DOCK1: variants seen among roughly 807,000 people sequenced by gnomAD.
DOCK1 encodes the protein dedicator of cytokinesis protein 1.
In DOCK1, 138 loss-of-function variants were observed where a neutral mutation model predicts 262.7. The ratio of observed to expected loss-of-function variants is 0.53; its 90% confidence interval spans 0.46 to 0.61. The LOEUF is 0.61. Ranked by LOEUF, DOCK1 falls within the 20% of genes least tolerant of loss-of-function variation. The pLI is 0.00. For missense variants in DOCK1, 1,908 were observed against 2,370.7 expected (o/e 0.80, Z 4.05); for synonymous variants, 866 against 867.4 (o/e 1.00, Z 0.03).
chr10:127,071,897 T>A (rs1228434395), intron 23 of DOCK1, among the ~76,000 whole-genome samples: 2 of 152,234 alleles, frequency 1.3e-5, no homozygotes, highest in African/African-American at 2.4e-5. Flanking sequence ...AATTTGAGAT[T>A]GCAGAATTCT....
At chr10:126,959,480 A>G (rs1454810476) in intron 1 of DOCK1, among the ~76,000 whole-genome samples, 5 of 152,184 alleles carry the variant, frequency 3.3e-5, no homozygotes, top group Admixed American at 1.3e-4. Context: ...TTTGTGGGGC[A>G]TGACTTCCCA....
At chr10:127,056,206 G>T (rs1484016609) in intron 22 of DOCK1, among the ~76,000 whole-genome samples, 3 of 152,114 alleles carry the variant, frequency 2.0e-5, no homozygotes, top group Non-Finnish European at 2.9e-5. Context: ...TGATCATGAT[G>T]ATGATGATGA....
At chr10:127,258,983 G>C (rs536752789) in intron 29 of DOCK1, among the ~76,000 whole-genome samples, 1 of 152,316 alleles carries the variant, frequency 6.6e-6, no homozygotes, top group African/African-American at 2.4e-5. Context: ...AGCAGAGACA[G>C]ATTGGCCTTG....
chr10:127,122,380 C>T (rs531692231), intron 25 of DOCK1, among the ~76,000 whole-genome samples: 2 of 152,278 alleles, frequency 1.3e-5, no homozygotes, highest in African/African-American at 4.8e-5. Context: ...CCTGGTCCTC[C>T]TCAGTGACCT....
intron 23 of DOCK1, among the ~76,000 whole-genome samples, chr10:127,094,325 T>G (rs2047768852): frequency 6.6e-6 from 1 of 152,214 alleles, no homozygotes; most frequent in African/African-American, 2.4e-5. Context: ...TCTTGAAATT[T>G]TTTTGGCAGG....
intron 22 of DOCK1, among the ~76,000 whole-genome samples, chr10:127,055,432 G>C (rs114211552): frequency 4.1e-3 from 631 of 152,334 alleles, no homozygotes; most frequent in African/African-American, 0.015. Flanking sequence ...TCCCTAGAAA[G>C]TGTCATGTGC....
intron 29 of DOCK1, chr10:127,272,006 T>G (rs925207679): frequency 6.6e-6 from 1 of 152,222 alleles, no homozygotes; most frequent in African/African-American, 2.4e-5. Flanking sequence ...GTTTGTACGT[T>G]TCAGCCAACT....
At chr10:126,968,489 T>G (rs1196180940) in intron 1 of DOCK1, among the ~76,000 whole-genome samples, 2 of 152,200 alleles carry the variant, frequency 1.3e-5, no homozygotes, top group Non-Finnish European at 2.9e-5. Flanking sequence ...TGTATGAGAT[T>G]TCAATCACTG....
chr10:127,230,709 A>G (rs147540744), intron 27 of DOCK1, among the ~76,000 whole-genome samples: 3 of 151,838 alleles, frequency 2.0e-5, no homozygotes, highest in African/African-American at 7.2e-5. Context: ...TGATGCCTCC[A>G]TCTTTGTTAT....
intron 27 of DOCK1, among the ~76,000 whole-genome samples, chr10:127,240,860 A>T (rs2059240311): frequency 6.6e-6 from 1 of 152,228 alleles, no homozygotes; most frequent in Non-Finnish European, 1.5e-5. Flanking sequence ...TACAAGGATT[A>T]TAGAATTTTG....
intron 38 of DOCK1, among the ~76,000 whole-genome samples, chr10:127,401,249 C>G (rs780628086): frequency 2.6e-5 from 4 of 152,272 alleles, no homozygotes; most frequent in African/African-American, 4.8e-5. Context: ...GACACCGTCT[C>G]CCACGTGGCG....
At chr10:127,382,755 C>G (rs756292477) in intron 37 of DOCK1, among the ~76,000 whole-genome samples, 11 of 152,196 alleles carry the variant, frequency 7.2e-5, no homozygotes, top group African/African-American at 2.7e-4. Context: ...ACCCTTACTC[C>G]GTCCCTCATA....
chr10:126,977,015 G>C (rs142309297), intron 2 of DOCK1, among the ~76,000 whole-genome samples: 2 of 152,216 alleles, frequency 1.3e-5, no homozygotes, highest in Non-Finnish European at 2.9e-5. Context: ...GATTATAGGC[G>C]TGAGCCACTG....
chr10:127,197,998 A>T (rs563274995), intron 27 of DOCK1, among the ~76,000 whole-genome samples: 2 of 152,092 alleles, frequency 1.3e-5, no homozygotes, highest in Non-Finnish European at 2.9e-5. Context: ...CCAGGACGGG[A>T]GTCCTGAGCC....
At chr10:127,380,635 G>C (rs2065775240) in intron 36 of DOCK1, among the ~76,000 whole-genome samples, 1 of 152,104 alleles carries the variant, frequency 6.6e-6, no homozygotes, top group Non-Finnish European at 1.5e-5. Flanking sequence ...TTGCTCCCTG[G>C]AGTGAGGGAC....
At chr10:127,264,883 G>A (rs1427553125) in intron 29 of DOCK1, among the ~76,000 whole-genome samples, 1 of 152,110 alleles carries the variant, frequency 6.6e-6, no homozygotes, top group African/African-American at 2.4e-5. Context: ...GGCGCAGGCT[G>A]GTCTCGAACT....
intron 44 of DOCK1, among the ~76,000 whole-genome samples, chr10:127,415,840 G>A (rs2068118235): frequency 6.6e-6 from 1 of 152,194 alleles, no homozygotes; most frequent in African/African-American, 2.4e-5. Context: ...ACCAGAGTTG[G>A]GCTGCAGATT....
At chr10:126,910,738 C>A (rs928982693) in intron 1 of DOCK1, among the ~76,000 whole-genome samples, 1 of 152,148 alleles carries the variant, frequency 6.6e-6, no homozygotes, top group African/African-American at 2.4e-5. Flanking sequence ...TCCCTCCACG[C>A]CTTTCTCCCC....
intron 1 of DOCK1, among the ~76,000 whole-genome samples, chr10:126,943,627 A>G (rs1322174634): frequency 1.3e-5 from 2 of 152,330 alleles, no homozygotes; most frequent in East Asian, 3.9e-4. Flanking sequence ...CTGGGATACA[A>G]TAGGGACTGA....
Sources: allele counts gnomAD v4.1 joint callset (sites outside exome capture counted in the v4.1 genomes callset), GRCh38; gene constraint gnomAD v4.1.1; transcripts MANE v1.5; gene names NCBI Gene and HGNC (gene_info 2026-07-23, HGNC 2026-07-21).